Variants in DROSHA observed in about 807,000 individuals in gnomAD.
DROSHA encodes the protein drosha ribonuclease III.
Under a neutral mutation model 181.9 loss-of-function variants are expected in DROSHA, and 56 were observed. The ratio of observed to expected loss-of-function variants is 0.31; its 90% CI spans 0.25 to 0.38. DROSHA has a LOEUF of 0.38. Among genes scored for constraint, DROSHA ranks in the 10% least tolerant of loss-of-function variants. The pLI, the probability that DROSHA is intolerant of heterozygous loss-of-function variation, is 1.00. For synonymous variants in DROSHA, 524 were observed against 591.2 expected (o/e 0.89, Z 1.65); for missense variants, 1,218 against 1,743.5 (o/e 0.70, Z 5.37).
chr5:31,454,687 T>C (rs1747423695), intron 20 of DROSHA, among the ~76,000 whole-genome samples: 1 of 152,096 alleles, frequency 6.6e-6, no homozygotes, highest in Non-Finnish European at 1.5e-5. Context: ...ACACCTGTAA[T>C]CCCAGCACTG....
chr5:31,414,200 T>C (rs1741686535), intron 30 of DROSHA, among the ~76,000 whole-genome samples: 1 of 152,090 alleles, frequency 6.6e-6, no homozygotes, highest in Admixed American at 6.6e-5. Context: ...ATGGGGGCAG[T>C]TGTGAGGTAA....
chr5:31,401,182 C>T lies in DROSHA; in HGVS notation c.*250G>A. The T allele has an allele frequency of 2.4e-6, 1 of 413,232 alleles. No individual in the cohort carries two copies. The highest frequency in any genetic ancestry group is 2.2e-5 in the South Asian group (1 of 44,748). 25.6% of individuals were successfully genotyped at this position (413,232 alleles called of 1,614,324 possible). On this transcript the variant is annotated 3_prime_UTR_variant, in exon 36 of 36. Transcript: ENST00000344624. ...TTCTTGAATTTTATTATTTAAAGAG[C>T]AAAATAAAAGGAAGTAATGCACATT...
At chr5:31,449,186 G>C (rs1746672986) in intron 22 of DROSHA, 95 bp downstream of exon 22, 1 of 1,464,884 alleles carries the variant, frequency 6.8e-7, no homozygotes, top group Non-Finnish European at 9.2e-7. Context: ...CGGTGAAAGA[G>C]TCACCCAGGG....
At chr5:31,486,349 T>C (rs566965240) in intron 14 of DROSHA, 142 bp downstream of exon 14, 23 of 772,472 alleles carry the variant, frequency 3.0e-5, no homozygotes, top group Non-Finnish European at 4.4e-5. Flanking sequence ...TACATTTCAC[T>C]GACTCTTTCA....
intron 19 of DROSHA, among the ~76,000 whole-genome samples, chr5:31,465,552 C>T (rs936207914): frequency 1.3e-5 from 2 of 152,096 alleles, no homozygotes; most frequent in Admixed American, 1.3e-4. Flanking sequence ...GGTAATAATC[C>T]ATTAAGAAAC....
At chr5:31,480,204 A>ATATATATATATATATATATATATATATT (rs1750877468) in intron 16 of DROSHA, among the ~76,000 whole-genome samples, 1 of 134,866 alleles carries the variant, frequency 7.4e-6, no homozygotes, top group African/African-American at 2.6e-5. Context: ...ATATATATAT[A>ATATATATATATATATATATATATATATT]CTGAAAATAC....
chr5:31,403,073 A>T (rs941604487), intron 35 of DROSHA, among the ~76,000 whole-genome samples: 24 of 152,212 alleles, frequency 1.6e-4, no homozygotes, highest in Admixed American at 6.5e-5. Context: ...TGCCCGGCCC[A>T]GAGATTGATT....
intron 17 of DROSHA, among the ~76,000 whole-genome samples, 162 bp from the exon 18 acceptor site, chr5:31,468,225 A>G (rs560797352): frequency 6.6e-6 from 1 of 152,380 alleles, no homozygotes; most frequent in East Asian, 1.9e-4. Context: ...TATACTATCT[A>G]AAAACTATAA....
intron 10 of DROSHA, among the ~76,000 whole-genome samples, chr5:31,507,565 G>A (rs956251853): frequency 9.2e-5 from 14 of 151,872 alleles, no homozygotes; most frequent in African/African-American, 3.1e-4. Context: ...CCAGTGAGCC[G>A]TTATTGCGCC....
intron 30 of DROSHA, among the ~76,000 whole-genome samples, chr5:31,415,298 A>G (rs1741802758): frequency 6.6e-6 from 1 of 152,190 alleles, no homozygotes; most frequent in South Asian, 2.1e-4. Context: ...AGAATATACT[A>G]TTGAAAGTGA....
At chr5:31,479,437 T>C (rs1750764470) in intron 16 of DROSHA, among the ~76,000 whole-genome samples, 1 of 152,202 alleles carries the variant, frequency 6.6e-6, no homozygotes, top group Non-Finnish European at 1.5e-5. Flanking sequence ...TTGAAAATAC[T>C]GAGTTTTGAC....
intron 27 of DROSHA, among the ~76,000 whole-genome samples, chr5:31,426,873 G>C (rs1743536340): frequency 6.6e-6 from 1 of 152,138 alleles, no homozygotes; most frequent in African/African-American, 2.4e-5. Context: ...GCCGGTTAGA[G>C]TTCAAGTGAG....
At chr5:31,424,207 C>T (rs1388469166) in intron 28 of DROSHA, among the ~76,000 whole-genome samples, 2 of 152,234 alleles carry the variant, frequency 1.3e-5, no homozygotes, top group East Asian at 3.9e-4. Flanking sequence ...GAAGATGACT[C>T]CCAATGCTCC....
chr5:31,491,746 ACCTTT>A (rs1752451572), intron 13 of DROSHA, among the ~76,000 whole-genome samples: 1 of 150,888 alleles, frequency 6.6e-6, no homozygotes, highest in African/African-American at 2.4e-5. Flanking sequence ...ACCTCTTAGT[ACCTTT>A]CCATAAAGAT....
At chr5:31,503,707 C>T (rs1245795206) in intron 11 of DROSHA, among the ~76,000 whole-genome samples, 1 of 152,178 alleles carries the variant, frequency 6.6e-6, no homozygotes, top group Non-Finnish European at 1.5e-5. Context: ...GTGTTGATCC[C>T]TCGTCAACAT....
intron 11 of DROSHA, among the ~76,000 whole-genome samples, chr5:31,500,069 GAGAT>G (rs1561259484): frequency 6.6e-6 from 1 of 152,142 alleles, no homozygotes; most frequent in East Asian, 1.9e-4. Context: ...TCTGACTGCA[GAGAT>G]GGCACATCCC....
rs73075727 is a variant in DROSHA, at chr5:31,452,946, T to A, written c.2575-1306A>T. ...TGCTGTGCTGATAAACACAACAATA[T>A]GGAAACAACATGCACAACCAAAGTC... On this transcript the variant is annotated intron_variant, in intron 20 of 35. Transcript: ENST00000344624. Among the ~76,000 whole-genome samples the A allele has an allele frequency of 4.2e-3, 633 of 152,312 alleles. 8 individuals carry two copies. Among genetic ancestry groups the A allele is most frequent in the African/African-American group, 0.015 (614 of 41,578 alleles).
chr5:31,504,474 T>C, intron 11 of DROSHA, 81 bp downstream of exon 11: 2 of 1,431,492 alleles, frequency 1.4e-6, no homozygotes, highest in Non-Finnish European at 1.9e-6. Context: ...ATTATTTCAT[T>C]TATGGGGGAA....
At chr5:31,511,789 T>C (rs1738710053) in intron 8 of DROSHA, among the ~76,000 whole-genome samples, 1 of 151,822 alleles carries the variant, frequency 6.6e-6, no homozygotes, top group Non-Finnish European at 1.5e-5. Flanking sequence ...CCTCAGAGAA[T>C]CATGACAACT....
Sources: allele counts gnomAD v4.1 joint callset (sites outside exome capture counted in the v4.1 genomes callset), GRCh38; gene constraint gnomAD v4.1.1; transcripts MANE v1.5; gene names NCBI Gene and HGNC (gene_info 2026-07-23, HGNC 2026-07-21).